The following MACROD2 variants were observed in gnomAD, a reference collection of about 807,000 sequenced individuals.
MACROD2 encodes mono-ADP ribosylhydrolase 2.
In MACROD2, 36 loss-of-function variants were observed where a neutral mutation model predicts 70.4. That is an observed-to-expected ratio of 0.51 (90% CI 0.39 to 0.68). The LOEUF (loss-of-function observed/expected upper bound fraction) is 0.68, where lower values mean the gene tolerates loss of function less well. Ranked by LOEUF, MACROD2 falls within the 30% of genes least tolerant of loss-of-function variation. The pLI is 0.00. For synonymous variants in MACROD2, 172 were observed against 178.8 expected (o/e 0.96, Z 0.30); for missense variants, 496 against 538.4 (o/e 0.92, Z 0.78).
chr20:15,369,737 T>C (rs997371700), intron 6 of MACROD2, among the ~76,000 whole-genome samples: 1 of 152,130 alleles, frequency 6.6e-6, no homozygotes, highest in Non-Finnish European at 1.5e-5. Flanking sequence ...GCCTACAGCG[T>C]TGATTTAAAA....
chr20:15,829,053 T>C lies in MACROD2; in HGVS notation c.646-33692T>C, dbSNP rs553741231. 9.8e-5 allele frequency among the ~76,000 whole-genome samples: 15 copies of C among 152,330 alleles called. No homozygotes were observed. In the East Asian group the frequency reaches 2.9e-3, roughly 29 times the overall value. On this transcript the variant is annotated intron_variant, in intron 8 of 17. Transcript: ENST00000684519. ...AATTATTCAATTAAAAATTACCTTTTGCCCCAGTCAGTATTTAGGTGGAGT... is the reference window on the plus strand; with the variant it reads ...AATTATTCAATTAAAAATTACCTTTCGCCCCAGTCAGTATTTAGGTGGAGT...
At chr20:14,338,873 G>T (rs1281975035) in intron 3 of MACROD2, among the ~76,000 whole-genome samples, 1 of 152,158 alleles carries the variant, frequency 6.6e-6, no homozygotes, top group Admixed American at 6.5e-5. Context: ...CTTTGTGCCC[G>T]TAAGTTTTCC....
At chr20:14,593,549 A>G (rs1304087522) in intron 4 of MACROD2, among the ~76,000 whole-genome samples, 1 of 152,212 alleles carries the variant, frequency 6.6e-6, no homozygotes, top group Non-Finnish European at 1.5e-5. Flanking sequence ...GTTGTTTATA[A>G]TCTTAATGTT....
chr20:15,907,583 T>G (rs1024376433), intron 10 of MACROD2, among the ~76,000 whole-genome samples: 18 of 152,268 alleles, frequency 1.2e-4, no homozygotes, highest in African/African-American at 3.6e-4. Context: ...GAATTGTTTA[T>G]GCACCTTTTT....
chr20:14,067,738 A>G (rs1315855216), intron 2 of MACROD2, among the ~76,000 whole-genome samples: 1 of 152,208 alleles, frequency 6.6e-6, no homozygotes, highest in Non-Finnish European at 1.5e-5. Context: ...ATTAAAATAA[A>G]AAATCCTGGG....
intron 5 of MACROD2, among the ~76,000 whole-genome samples, chr20:14,855,597 GTTTTTTTTT>G (rs71190156): frequency 8.7e-4 from 67 of 77,244 alleles, no homozygotes; most frequent in African/African-American, 2.9e-3. Flanking sequence ...ATCCTACCAA[GTTTTTTTTT>G]TTTTTTTTTT....
At chr20:14,975,442 C>G (rs958465316) in intron 5 of MACROD2, among the ~76,000 whole-genome samples, 11 of 152,064 alleles carry the variant, frequency 7.2e-5, no homozygotes, top group Admixed American at 7.2e-4. Context: ...AGCAGGGCAG[C>G]CAGCATGGGC....
chr20:14,501,944 C>A (rs1246586057), intron 4 of MACROD2, among the ~76,000 whole-genome samples: 1 of 152,166 alleles, frequency 6.6e-6, no homozygotes, highest in East Asian at 1.9e-4. Context: ...TTCCTAATTA[C>A]ATAGTAGCTA....
At chr20:14,031,646 T>G (rs530453464) in intron 2 of MACROD2, among the ~76,000 whole-genome samples, 1 of 152,298 alleles carries the variant, frequency 6.6e-6, no homozygotes, top group East Asian at 1.9e-4. Flanking sequence ...TATATTTTGT[T>G]GTATTTTTAT....
rs552408009 is a variant in MACROD2 at position 14,963,991 on chromosome 20, G to A, written c.419-265949G>A. Among the ~76,000 whole-genome samples the A allele has an allele frequency of 1.4e-3, 207 of 152,026 alleles. 1 individual carries two copies. The highest frequency in any genetic ancestry group is 2.2e-3 in the Admixed American group (34 of 15,268). ...ATTCATAGTAATTCCTTGGTAGAGG[G>A]AGTTTATTGTTTAAACAATATAGAG... On this transcript the variant is annotated intron_variant, in intron 5 of 17. Transcript: ENST00000684519.
chr20:15,333,257 T>A (rs6043213), intron 6 of MACROD2, among the ~76,000 whole-genome samples: 29,082 of 151,252 alleles, frequency 0.19, 3,621 homozygotes, highest in East Asian at 0.46. Flanking sequence ...TTTGGTAAAC[T>A]CTCCAGGTGA....
intron 4 of MACROD2, among the ~76,000 whole-genome samples, chr20:14,584,518 A>G (rs1223252790): frequency 6.6e-6 from 1 of 152,082 alleles, no homozygotes; most frequent in Non-Finnish European, 1.5e-5. Flanking sequence ...GTATTCTTGC[A>G]TGGCAGAGAG....
chr20:15,308,509 T>G (rs951157002), intron 6 of MACROD2, among the ~76,000 whole-genome samples: 2 of 152,192 alleles, frequency 1.3e-5, no homozygotes, highest in African/African-American at 4.8e-5. Flanking sequence ...ACTGTTACTT[T>G]AAATAGATTT....
chr20:15,547,208 G>A (rs182723217), intron 8 of MACROD2, among the ~76,000 whole-genome samples: 1 of 152,126 alleles, frequency 6.6e-6, no homozygotes, highest in African/African-American at 2.4e-5. Flanking sequence ...TTCCATCATG[G>A]ATATTCTGAC....
At chr20:15,362,009 T>C (rs960524015) in intron 6 of MACROD2, among the ~76,000 whole-genome samples, 33 of 61,054 alleles carry the variant, frequency 5.4e-4, no homozygotes, top group African/African-American at 3.9e-3. Flanking sequence ...TATTTCTTCC[T>C]TTTTTTTTTT....
chr20:14,664,711 T>G (rs2070718237), intron 4 of MACROD2, among the ~76,000 whole-genome samples: 1 of 152,076 alleles, frequency 6.6e-6, no homozygotes, highest in Admixed American at 6.6e-5. Context: ...TTATAATGCC[T>G]ATTATTTTAT....
chr20:15,842,795 A>G (rs2064188481), intron 8 of MACROD2, among the ~76,000 whole-genome samples: 1 of 152,024 alleles, frequency 6.6e-6, no homozygotes, highest in Admixed American at 6.6e-5. Flanking sequence ...CACAGTGCAT[A>G]TACCACAGCT....
At chr20:14,005,494 G>C (rs1236325127) in intron 2 of MACROD2, among the ~76,000 whole-genome samples, 1 of 152,062 alleles carries the variant, frequency 6.6e-6, no homozygotes, top group East Asian at 1.9e-4. Context: ...CTATTGTACT[G>C]TCTCTAGCAC....
intron 4 of MACROD2, among the ~76,000 whole-genome samples, chr20:14,610,756 C>T (rs1304481941): frequency 1.3e-5 from 2 of 152,002 alleles, no homozygotes; most frequent in African/African-American, 4.8e-5. Context: ...TGAAAGCATA[C>T]ATCAATAATA....
Sources: allele counts gnomAD v4.1 joint callset (sites outside exome capture counted in the v4.1 genomes callset), GRCh38; gene constraint gnomAD v4.1.1; transcripts MANE v1.5; gene names NCBI Gene and HGNC (gene_info 2026-07-23, HGNC 2026-07-21).